CENPE: variants seen among roughly 807,000 people sequenced by gnomAD.
CENPE encodes centromere-associated protein E.
Under a neutral mutation model 336.1 loss-of-function variants are expected in CENPE, and 145 were observed. That is an observed-to-expected ratio of 0.43 (90% CI 0.38 to 0.50). The LOEUF is 0.50. Among genes scored for constraint, CENPE ranks in the 20% least tolerant of loss-of-function variants. The pLI is 0.00. For missense variants in CENPE, 2,719 were observed against 3,023.3 expected (o/e 0.90, Z 2.36); for synonymous variants, 1,013 against 984.8 (o/e 1.03, Z -0.54).
intron 21 of CENPE, among the ~76,000 whole-genome samples, chr4:103,160,384 A>C (rs971063712): frequency 6.6e-6 from 1 of 151,956 alleles, no homozygotes; most frequent in Non-Finnish European, 1.5e-5. Context: ...TGGCTGCTAC[A>C]TGGATTATAT....
In CENPE at chr4:103,198,298, C is replaced by A; in HGVS notation, c.22G>T (p.Ala8Ser). The stretch of plus-strand genomic sequence containing the variant: ...AGCGGCCGCACTCGCACGCAGACGG[C>A]CACGGCTCCTTCCTCCGCCATCCTA... MAEEGAV[A>S]VCVRVRPLNS... The change falls in exon 1 of 49, where the codon GCC becomes TCC. Residue 8 changes from alanine (A) to serine (S), a missense_variant. This residue lies in a region of CENPE where 48 missense variants were observed against 50.8 expected (regional missense o/e 0.94). Coordinates refer to ENST00000265148, the MANE Select transcript of CENPE (RefSeq NM_001813.3). 1.3e-6 allele frequency: 2 copies of A among 1,551,030 alleles called. No individual in the cohort carries two copies. Among genetic ancestry groups the A allele is most frequent in the Non-Finnish European group, 1.7e-6 (2 of 1,146,898 alleles).
intron 16 of CENPE, among the ~76,000 whole-genome samples, chr4:103,165,619 C>T (rs1308181961): frequency 6.6e-6 from 1 of 152,102 alleles, no homozygotes. Flanking sequence ...GGACTAGATA[C>T]TGCAAAACTG....
At chr4:103,195,372 A>T (rs1757659551) in intron 4 of CENPE, 139 bp from the exon 5 acceptor site, 7 of 573,298 alleles carry the variant, frequency 1.2e-5, no homozygotes, top group Non-Finnish European at 1.7e-5. Context: ...TTGACAAAAT[A>T]ATGAACACAA....
At chr4:103,118,589 C>T (rs987789069) in intron 44 of CENPE, among the ~76,000 whole-genome samples, 3 of 152,138 alleles carry the variant, frequency 2.0e-5, no homozygotes, top group Admixed American at 6.5e-5. Context: ...TGTATTATAT[C>T]TTAAAAAATC....
At chr4:103,150,967 T>A (rs1469950793) in intron 26 of CENPE, among the ~76,000 whole-genome samples, 1 of 152,236 alleles carries the variant, frequency 6.6e-6, no homozygotes, top group Non-Finnish European at 1.5e-5. Flanking sequence ...ATTTGATGAA[T>A]GAATACATCA....
At chr4:103,167,207 T>C (rs765856653) in intron 16 of CENPE, among the ~76,000 whole-genome samples, 1 of 152,130 alleles carries the variant, frequency 6.6e-6, no homozygotes, top group Non-Finnish European at 1.5e-5. Flanking sequence ...AAAATAGTCA[T>C]CTAGATATTA....
chr4:103,188,653 G>T (rs1233150741), intron 8 of CENPE, among the ~76,000 whole-genome samples: 1 of 152,058 alleles, frequency 6.6e-6, no homozygotes, highest in Non-Finnish European at 1.5e-5. Flanking sequence ...GTGTGTAGAG[G>T]GAAACTTATA....
intron 34 of CENPE, among the ~76,000 whole-genome samples, chr4:103,143,003 C>CAAAAAAA (rs1168385683): frequency 7.9e-5 from 5 of 62,970 alleles, no homozygotes; most frequent in South Asian, 7.0e-4. Context: ...GACTCTGTCT[C>CAAAAAAA]AAAAAAAAAA....
At chr4:103,185,772 A>G (rs747928288) in intron 9 of CENPE, 38 bp downstream of exon 9, 11 of 1,452,014 alleles carry the variant, frequency 7.6e-6, no homozygotes, top group Non-Finnish European at 1.0e-5. Context: ...TAAAATAGGA[A>G]GACATTAAGA....
chr4:103,183,328 C>A, intron 9 of CENPE, 40 bp from the exon 10 acceptor site: 1 of 1,492,610 alleles, frequency 6.7e-7, no homozygotes, highest in Non-Finnish European at 9.3e-7. Context: ...AACTTGACTC[C>A]TTTTCTAGAT....
chr4:103,142,532 C>T (rs1449018944), intron 34 of CENPE, among the ~76,000 whole-genome samples: 1 of 152,152 alleles, frequency 6.6e-6, no homozygotes, highest in African/African-American at 2.4e-5. Flanking sequence ...TAAAGATTTC[C>T]TCTACTCCTC....
intron 24 of CENPE, among the ~76,000 whole-genome samples, chr4:103,156,098 A>T (rs1465677532): frequency 6.6e-6 from 1 of 152,236 alleles, no homozygotes; most frequent in Non-Finnish European, 1.5e-5. Flanking sequence ...TAAAGAAGAC[A>T]CAAATGGTAA....
intron 16 of CENPE, among the ~76,000 whole-genome samples, chr4:103,173,560 AAAATATTTGCAATATTTGCAG>A (rs1385621319): frequency 2.0e-5 from 3 of 151,924 alleles, no homozygotes; most frequent in Admixed American, 6.6e-5. Context: ...CAATATTTGC[AAAATATTTGCAATATTTGCAG>A]AAATATTTGC....
intron 8 of CENPE, among the ~76,000 whole-genome samples, chr4:103,189,087 A>G (rs984265103): frequency 2.6e-5 from 4 of 152,178 alleles, no homozygotes; most frequent in African/African-American, 9.7e-5. Flanking sequence ...CCCAAGACTA[A>G]ATCAGGAAGA....
rs755086890 is a variant in CENPE, at chr4:103,133,773, G to A, written c.6642C>T (p.His2214=). ...ATGGTACATCACAATCTTGTTGAAG[G>A]TGCTGTATTTTAATTAGCAATTCCT... ...KQKELLIKIQ[H]LQQDCDVPSR... is the part of the protein sequence containing the mutation. The change falls in exon 41 of 49, where the codon CAC becomes CAT. Residue 2214 remains histidine (H), a synonymous_variant. Coordinates refer to ENST00000265148, the MANE Select transcript of CENPE (RefSeq NM_001813.3). 21 of 1,611,762 alleles carry A rather than the reference G, an allele frequency of 1.3e-5. No individual in the cohort carries two copies. The highest frequency in any genetic ancestry group is 1.7e-5 in the Admixed American group (1 of 59,894).
At chr4:103,132,528 A>G (rs975186758) in intron 42 of CENPE, among the ~76,000 whole-genome samples, 165 bp downstream of exon 42, 4 of 152,338 alleles carry the variant, frequency 2.6e-5, no homozygotes, top group South Asian at 4.1e-4. Flanking sequence ...GTATGAATTG[A>G]TAAGGAAGAA....
At position 103,144,580 on chromosome 4, in the gene CENPE, C is replaced by G. The variant is rs780058734; in HGVS notation, c.4896G>C (p.Lys1632Asn). The change falls in exon 33 of 49, where the codon AAG becomes AAC. Residue 1632 changes from lysine to asparagine, a missense_variant. Lys to Asn is a moderately conservative substitution (Grantham distance 94, BLOSUM62 0). Around this residue, in one of 5 missense-constraint regions of CENPE, gnomAD observed 2,437 missense variants for 2,513.3 expected, o/e 0.97. Transcript: ENST00000265148. ...CCTGAGTCTCATTGACAGCTGTCAT[C>G]TTAAGAAACTGATATTCTTTTTCTT... ...ESQEKEYQFL[K>N]MTAVNETQEK... is the part of the protein sequence containing the mutation. 11 of 1,611,376 alleles carry G rather than the reference C, an allele frequency of 6.8e-6. No homozygotes were observed. The highest frequency in any genetic ancestry group is 8.5e-6 in the Non-Finnish European group (10 of 1,178,942).
intron 37 of CENPE, 66 bp from the exon 38 acceptor site, chr4:103,140,145 C>T: frequency 6.9e-7 from 1 of 1,455,648 alleles, no homozygotes; most frequent in South Asian, 1.3e-5. Flanking sequence ...ATAGTGTCTA[C>T]TTGTGTTCTA....
rs535375422 is a variant in CENPE at position 103,145,137 on chromosome 4, C to T, written c.4770G>A (p.Lys1590=). 5 of 1,609,338 alleles carry T rather than the reference C, an allele frequency of 3.1e-6. No homozygotes were observed. Among genetic ancestry groups the T allele is most frequent in the Non-Finnish European group, 3.4e-6 (4 of 1,178,200 alleles). ...ESQEEIQIMI[K]EKEEMKRVQE... is the part of the protein sequence containing the mutation. ...GTACTCTTTTCATTTCCTCTTTTTC[C>T]TTAATCATAATTTGTATTTCTTCTT... is the stretch of plus-strand genomic sequence containing the variant. Residue 1590 remains lysine (K), a synonymous_variant, in exon 32 of 49, where the codon AAG becomes AAA. Coordinates refer to ENST00000265148, the MANE Select transcript of CENPE (RefSeq NM_001813.3).
Sources: gnomAD v4.1 joint callset for allele counts (sites outside exome capture counted in the v4.1 genomes callset) on GRCh38, gnomAD v4.1.1 for gene constraint, gnomAD v4.1.1 regional missense constraint, MANE v1.5 for transcripts, NCBI Gene and HGNC (gene_info 2026-07-23, HGNC 2026-07-21) for gene names.